Variants in INTS4 observed in about 807,000 individuals in gnomAD.
INTS4 encodes the protein integrator complex subunit 4, also known as MSTP093.
Under a neutral mutation model 119.5 loss-of-function variants are expected in INTS4, and 70 were observed. That is an observed-to-expected ratio of 0.59 (90% confidence interval 0.48 to 0.71). The LOEUF (loss-of-function observed/expected upper bound fraction) is 0.71. INTS4 is among the 30% of genes least tolerant of loss of function. The pLI, the probability that INTS4 is intolerant of heterozygous loss-of-function variation, is 0.00. For synonymous variants in INTS4, 316 were observed against 419.6 expected (o/e 0.75, Z 3.02); for missense variants, 867 against 1,173.2 (o/e 0.74, Z 3.81).
At chr11:77,955,342 A>G (rs1591103572) in intron 8 of INTS4, among the ~76,000 whole-genome samples, 2 of 152,180 alleles carry the variant, frequency 1.3e-5, no homozygotes, top group East Asian at 3.8e-4. Context: ...GTCTCAAGAA[A>G]AGAAAAAGGA....
downstream of INTS4, chr11:77,877,056 A>C (rs117791419): frequency 4.5e-3 from 3,163 of 702,890 alleles, 8 homozygotes; most frequent in Non-Finnish European, 6.7e-3. Context: ...ACAGGTAAGC[A>C]CACTAGAAAA....
intron 18 of INTS4, among the ~76,000 whole-genome samples, chr11:77,898,221 T>C (rs1952615327): frequency 6.6e-6 from 1 of 152,210 alleles, no homozygotes; most frequent in East Asian, 1.9e-4. Context: ...TGGAGTGCAG[T>C]GGTGCGATCT....
chr11:77,947,205 G>T (rs1393084318), intron 8 of INTS4, among the ~76,000 whole-genome samples: 1 of 152,162 alleles, frequency 6.6e-6, no homozygotes, highest in Admixed American at 6.5e-5. Flanking sequence ...TTGCCTGATG[G>T]AGAAGAGAAA....
At chr11:77,903,853 T>TCCCA (rs1160051381) in intron 16 of INTS4, among the ~76,000 whole-genome samples, 2 of 152,160 alleles carry the variant, frequency 1.3e-5, no homozygotes, top group Non-Finnish European at 2.9e-5. Context: ...AGGCTCTGTG[T>TCCCA]CCCAGATCAG....
intron 10 of INTS4, among the ~76,000 whole-genome samples, chr11:77,934,495 G>A (rs1234165156): frequency 2.6e-5 from 4 of 152,018 alleles, no homozygotes; most frequent in Non-Finnish European, 5.9e-5. Flanking sequence ...ACAAACATGA[G>A]AATGTTGTTG....
At chr11:77,922,523 T>C in intron 12 of INTS4, 52 bp from the exon 13 acceptor site, 1 of 758,696 alleles carries the variant, frequency 1.3e-6, no homozygotes, top group Non-Finnish European at 2.1e-6. Context: ...AGTTAGTCCT[T>C]TGAAAAGTAC....
chr11:77,898,316 C>A (rs2136427010), intron 18 of INTS4, among the ~76,000 whole-genome samples: 1 of 152,240 alleles, frequency 6.6e-6, no homozygotes, highest in South Asian at 2.1e-4. Context: ...ATGCCCACAA[C>A]CATGCCTGGC....
intron 8 of INTS4, among the ~76,000 whole-genome samples, chr11:77,950,569 T>C (rs1591097112): frequency 2.6e-5 from 4 of 152,272 alleles, no homozygotes; most frequent in Admixed American, 2.0e-4. Flanking sequence ...TACAATATTA[T>C]AGCTGCAAGA....
intron 19 of INTS4, among the ~76,000 whole-genome samples, chr11:77,893,050 G>A (rs1952346157): frequency 6.6e-6 from 1 of 152,160 alleles, no homozygotes; most frequent in Non-Finnish European, 1.5e-5. Flanking sequence ...TGAGGGCAGG[G>A]ACAATGAGCG....
intron 11 of INTS4, among the ~76,000 whole-genome samples, chr11:77,928,017 CA>C (rs1275761089): frequency 6.6e-6 from 1 of 151,606 alleles, no homozygotes; most frequent in Non-Finnish European, 1.5e-5. Context: ...AAGAAGAAGG[CA>C]AAAAAAAGCC....
At chr11:77,962,860 A>T (rs1254822838) in intron 4 of INTS4, among the ~76,000 whole-genome samples, 1 of 151,960 alleles carries the variant, frequency 6.6e-6, no homozygotes. Context: ...TTTAAAAAAA[A>T]AATTTATAGC....
intron 15 of INTS4, among the ~76,000 whole-genome samples, chr11:77,910,403 T>C (rs1953063053): frequency 1.6e-5 from 2 of 128,232 alleles, no homozygotes; most frequent in Admixed American, 1.0e-4. Flanking sequence ...TGAGAACACA[T>C]GGACACAGGA....
intron 4 of INTS4, among the ~76,000 whole-genome samples, chr11:77,966,057 G>A (rs570454605): frequency 1.1e-4 from 17 of 152,158 alleles, no homozygotes; most frequent in South Asian, 6.2e-4. Context: ...GCATTTTCCC[G>A]ACGCTTAGTG....
chr11:77,979,680 GA>G (rs112112129), intron 3 of INTS4, among the ~76,000 whole-genome samples: 84 of 123,404 alleles, frequency 6.8e-4, no homozygotes, highest in Middle Eastern at 4.1e-3. Context: ...CTAAGAAACA[GA>G]AAAAAAAAAA....
chr11:77,900,422 A>T, intron 18 of INTS4: 1 of 508,512 alleles, frequency 2.0e-6, no homozygotes, highest in Non-Finnish European at 3.5e-6. Context: ...TTTAAGATTA[A>T]ATGATTCTTT....
intron 10 of INTS4, among the ~76,000 whole-genome samples, chr11:77,930,054 G>A (rs1433642768): frequency 1.3e-5 from 2 of 152,192 alleles, no homozygotes; most frequent in South Asian, 2.1e-4. Flanking sequence ...TCCTGAACAC[G>A]TATTATATGC....
intron 4 of INTS4, chr11:77,978,192 C>G (rs1160064550): frequency 6.6e-6 from 1 of 151,824 alleles, no homozygotes; most frequent in African/African-American, 2.4e-5. Context: ...GCACCTGGCC[C>G]TATTTAAGCT....
chr11:77,931,127 T>C (rs1438787373), intron 10 of INTS4, among the ~76,000 whole-genome samples: 1 of 152,150 alleles, frequency 6.6e-6, no homozygotes, highest in Non-Finnish European at 1.5e-5. Context: ...TATAGCTCAA[T>C]CAATGGGATC....
intron 1 of INTS4, among the ~76,000 whole-genome samples, chr11:77,992,426 C>T (rs1481997564): frequency 1.3e-5 from 2 of 151,834 alleles, no homozygotes; most frequent in Admixed American, 6.6e-5. Context: ...ATCCGATGGG[C>T]GTAGTGGCTT....
Sources: allele counts gnomAD v4.1 joint callset (sites outside exome capture counted in the v4.1 genomes callset), GRCh38; gene constraint gnomAD v4.1.1; transcripts MANE v1.5; gene names NCBI Gene and HGNC (gene_info 2026-07-23, HGNC 2026-07-21).